Variants in DCLK2 observed in about 807,000 individuals in gnomAD.
DCLK2 encodes the protein serine/threonine-protein kinase DCLK2.
In DCLK2, 31 loss-of-function variants were observed where a neutral mutation model predicts 78.4. That is an observed-to-expected ratio of 0.40 (90% CI 0.30 to 0.53). DCLK2 has a LOEUF of 0.53. DCLK2 is among the 20% of genes least tolerant of loss of function. The pLI, the probability that DCLK2 is intolerant of heterozygous loss-of-function variation, is 0.61. For synonymous variants in DCLK2, 407 were observed against 374.9 expected, an observed-to-expected ratio of 1.09 and a Z score of -0.99; for missense variants, 872 against 973.7, an observed-to-expected ratio of 0.90 and a Z score of 1.39.
intron 15 of DCLK2, among the ~76,000 whole-genome samples, chr4:150,254,861 G>A (rs1267623294): frequency 1.3e-5 from 2 of 152,160 alleles, no homozygotes; most frequent in African/African-American, 4.8e-5. Flanking sequence ...TAAATTCTTT[G>A]TGGAGATGGA....
chr4:150,186,894 A>ATGTG (rs10683241), intron 2 of DCLK2, among the ~76,000 whole-genome samples: 40,682 of 147,368 alleles, frequency 0.28, 5,789 homozygotes, highest in Non-Finnish European at 0.33. Flanking sequence ...CTATCTCAAA[A>ATGTG]TGTGTGTGTG....
intron 2 of DCLK2, among the ~76,000 whole-genome samples, chr4:150,184,412 C>T (rs1737749675): frequency 6.6e-6 from 1 of 152,266 alleles, no homozygotes; most frequent in South Asian, 2.1e-4. Context: ...TAAATAATAG[C>T]TCTTTTAAGA....
At chr4:150,215,654 G>A (rs1277796204) in intron 5 of DCLK2, among the ~76,000 whole-genome samples, 3 of 152,282 alleles carry the variant, frequency 2.0e-5, no homozygotes, top group Non-Finnish European at 4.4e-5. Flanking sequence ...ATCCAGAAGC[G>A]TTCCTAACCC....
At chr4:150,085,959 C>T (rs978282379) in intron 1 of DCLK2, among the ~76,000 whole-genome samples, 24 of 152,276 alleles carry the variant, frequency 1.6e-4, no homozygotes, top group African/African-American at 5.5e-4. Flanking sequence ...ATGATTTTGG[C>T]TCTATCTGGC....
intron 2 of DCLK2, among the ~76,000 whole-genome samples, chr4:150,104,785 A>T (rs920220836): frequency 2.6e-4 from 39 of 149,416 alleles, no homozygotes; most frequent in African/African-American, 9.4e-4. Context: ...TAAAAAAAAA[A>T]TTTCTATCTG....
At position 150,079,468 on chromosome 4, in the gene DCLK2, CACGGCAGGT is replaced by C. The variant is rs1264052028; in HGVS notation, c.421+21_421+29del. On this transcript the variant is annotated intron_variant, in intron 1 of 15. Coordinates refer to ENST00000296550, the MANE Select transcript of DCLK2 (RefSeq NM_001040260.4). ...TGGAAGGTAGGAGGGGAGGGCGCCG[CACGGCAGGT>C]GCGGCGGAGCGCCGGCAGGTGCAGT... 5 of 1,458,180 alleles carry C rather than the reference CACGGCAGGT, an allele frequency of 3.4e-6. No homozygotes were observed. The highest frequency in any genetic ancestry group is 4.5e-6 in the Non-Finnish European group (5 of 1,103,948). The allele number at this position is 1,458,180 out of a possible 1,614,324, so 90.3% of individuals were successfully genotyped here. A position where few individuals can be genotyped will look rare whatever the true frequency, so the allele number is the denominator to read the frequency against.
intron 10 of DCLK2, among the ~76,000 whole-genome samples, chr4:150,238,322 C>T (rs1244194482): frequency 6.6e-6 from 1 of 152,042 alleles, no homozygotes; most frequent in African/African-American, 2.4e-5. Flanking sequence ...GTATCATAGT[C>T]ATTGCCCTAT....
intron 2 of DCLK2, among the ~76,000 whole-genome samples, chr4:150,142,598 A>G (rs1349967362): frequency 6.6e-6 from 1 of 152,108 alleles, no homozygotes; most frequent in Non-Finnish European, 1.5e-5. Context: ...CAAGCTTTTT[A>G]TTTATGGAAT....
At chr4:150,125,421 C>G (rs189509874) in intron 2 of DCLK2, among the ~76,000 whole-genome samples, 28 of 152,138 alleles carry the variant, frequency 1.8e-4, no homozygotes, top group Non-Finnish European at 2.8e-4. Context: ...TGTATTCACC[C>G]TCAAATGATG....
At chr4:150,217,301 G>T (rs1307598786) in intron 5 of DCLK2, among the ~76,000 whole-genome samples, 3 of 152,142 alleles carry the variant, frequency 2.0e-5, no homozygotes, top group African/African-American at 7.2e-5. Context: ...GGAATGCTTT[G>T]CCTTATATTT....
At chr4:150,138,326 A>G (rs1308690276) in intron 2 of DCLK2, among the ~76,000 whole-genome samples, 1 of 152,132 alleles carries the variant, frequency 6.6e-6, no homozygotes, top group Admixed American at 6.5e-5. Context: ...ACAGAATAAG[A>G]GGCCGGGTGC....
At chr4:150,240,784 G>GAA (rs1180296734) in intron 12 of DCLK2, among the ~76,000 whole-genome samples, 1 of 132,436 alleles carries the variant, frequency 7.6e-6, no homozygotes, top group African/African-American at 2.7e-5. Context: ...AAAAAAATCA[G>GAA]AAAAAAAAAA....
intron 12 of DCLK2, among the ~76,000 whole-genome samples, chr4:150,245,677 T>C (rs919298597): frequency 8.5e-5 from 13 of 152,296 alleles, no homozygotes; most frequent in African/African-American, 2.6e-4. Context: ...TTCATCCATG[T>C]CCCTACAAAG....
intron 12 of DCLK2, among the ~76,000 whole-genome samples, chr4:150,245,252 T>C (rs368146650): frequency 1.1e-4 from 17 of 152,294 alleles, no homozygotes; most frequent in African/African-American, 4.1e-4. Flanking sequence ...TTTGGGACAG[T>C]AGTGGTAATC....
intron 2 of DCLK2, among the ~76,000 whole-genome samples, chr4:150,104,394 T>TAAAAAAAAAAAAAAAAAAAAAAAA (rs34276664): frequency 5.4e-4 from 16 of 29,754 alleles, no homozygotes; most frequent in Non-Finnish European, 6.6e-4. Flanking sequence ...CCACATCTCC[T>TAAAAAAAAAAAAAAAAAAAAAAAA]AAAAAAAAAA....
chr4:150,239,311 G>A (rs1441024568), intron 10 of DCLK2, among the ~76,000 whole-genome samples: 1 of 152,186 alleles, frequency 6.6e-6, no homozygotes, highest in Non-Finnish European at 1.5e-5. Context: ...AGAATCACAA[G>A]GAGGTGTCGG....
intron 2 of DCLK2, among the ~76,000 whole-genome samples, chr4:150,172,625 A>G (rs892916587): frequency 4.4e-4 from 66 of 151,372 alleles, no homozygotes; most frequent in Admixed American, 1.3e-3. Context: ...AAAAAAAAAA[A>G]AAAAGAAATC....
rs761984229 is a variant in DCLK2 at position 150,102,671 on chromosome 4, A to G, written c.615A>G (p.Gly205=). 14 of 1,614,152 alleles carry G rather than the reference A, an allele frequency of 8.7e-6. No individual in the cohort carries two copies. The Middle Eastern group carries it at 4.9e-4, about 57-fold the overall frequency. The change falls in exon 2 of 16, where the codon GGA becomes GGG. Residue 205 remains glycine, a synonymous_variant. Coordinates refer to ENST00000296550, the MANE Select transcript of DCLK2 (RefSeq NM_001040260.4). The stretch of plus-strand genomic sequence containing the variant: ...AGTTAGTGACTGTGATTCGAAGTGG[A>G]GTGAAGCCTAGAAAAGCCGTGCGGA... ...KPKLVTVIRS[G]VKPRKAVRIL...
intron 4 of DCLK2, among the ~76,000 whole-genome samples, chr4:150,200,291 A>T (rs752360359): frequency 6.6e-6 from 1 of 152,238 alleles, no homozygotes; most frequent in African/African-American, 2.4e-5. Flanking sequence ...GATTTGAGTT[A>T]ATAGAGTAAG....
Sources: gnomAD v4.1 joint callset for allele counts (sites outside exome capture counted in the v4.1 genomes callset) on GRCh38, gnomAD v4.1.1 for gene constraint, MANE v1.5 for transcripts, NCBI Gene and HGNC (gene_info 2026-07-23, HGNC 2026-07-21) for gene names.